The following GUCY1B1 variants were observed in gnomAD, a reference collection of about 807,000 sequenced individuals.
The protein encoded by GUCY1B1 is guanylate cyclase 1 soluble subunit beta 1, also known as guanylate cyclase soluble subunit beta-1.
In GUCY1B1, 43 loss-of-function variants were observed where a neutral mutation model predicts 71.0. That is an observed-to-expected ratio of 0.61 (90% confidence interval 0.47 to 0.78). The LOEUF is 0.78. GUCY1B1 is among the 30% of genes least tolerant of loss of function. The pLI, the probability that GUCY1B1 is intolerant of heterozygous loss-of-function variation, is 0.00. For missense variants in GUCY1B1, 535 were observed against 754.1 expected (o/e 0.71, Z 3.40); for synonymous variants, 266 against 259.7 (o/e 1.02, Z -0.23).
chr4:155,792,789 C>A (rs1261326229), intron 5 of GUCY1B1, among the ~76,000 whole-genome samples: 2 of 152,136 alleles, frequency 1.3e-5, no homozygotes, highest in African/African-American at 4.8e-5. Flanking sequence ...CTTGCAATTT[C>A]TTAACCCAAA....
chr4:155,786,951 G>A (rs1295424923), intron 4 of GUCY1B1, among the ~76,000 whole-genome samples: 4 of 152,090 alleles, frequency 2.6e-5, no homozygotes, highest in African/African-American at 9.7e-5. Context: ...ACCTGGGCCT[G>A]ACTCTATTAG....
At chr4:155,764,320 T>A (rs1737190682) in intron 2 of GUCY1B1, among the ~76,000 whole-genome samples, 1 of 152,204 alleles carries the variant, frequency 6.6e-6, no homozygotes, top group South Asian at 2.1e-4. Flanking sequence ...ATAATTTTGG[T>A]TGACTGCTAC....
At chr4:155,774,846 G>A in intron 2 of GUCY1B1, 122 bp from the exon 3 acceptor site, 1 of 652,664 alleles carries the variant, frequency 1.5e-6, no homozygotes, top group Non-Finnish European at 2.7e-6. Flanking sequence ...AAACAAATTT[G>A]CCCAAAAAAA....
intron 2 of GUCY1B1, among the ~76,000 whole-genome samples, chr4:155,764,209 G>A (rs1229907591): frequency 1.3e-5 from 2 of 152,150 alleles, no homozygotes; most frequent in Non-Finnish European, 2.9e-5. Context: ...ATACCTTTCT[G>A]TAGATCTGCT....
intron 11 of GUCY1B1, 40 bp from the exon 12 acceptor site, chr4:155,804,549 TGTTA>T: frequency 6.6e-7 from 1 of 1,504,630 alleles, no homozygotes; most frequent in Non-Finnish European, 9.1e-7. Context: ...AAAATTCATG[TGTTA>T]GTGATCAAAA....
intron 2 of GUCY1B1, among the ~76,000 whole-genome samples, chr4:155,766,088 T>G (rs768660032): frequency 4.1e-4 from 62 of 152,310 alleles, no homozygotes; most frequent in African/African-American, 9.9e-4. Flanking sequence ...CAATAAAATA[T>G]CAGGCTCTCT....
chr4:155,783,820 C>G (rs1412348527), intron 4 of GUCY1B1, among the ~76,000 whole-genome samples: 2 of 152,182 alleles, frequency 1.3e-5, no homozygotes, highest in Non-Finnish European at 2.9e-5. Flanking sequence ...GCACCATTCA[C>G]TTTATTTTTA....
At chr4:155,761,768 C>T (rs1291237229) in intron 2 of GUCY1B1, among the ~76,000 whole-genome samples, 1 of 152,182 alleles carries the variant, frequency 6.6e-6, no homozygotes, top group Admixed American at 6.5e-5. Context: ...ACTAATTTAT[C>T]TTTAAGTAGC....
At chr4:155,762,499 T>A (rs1363057704) in intron 2 of GUCY1B1, among the ~76,000 whole-genome samples, 1 of 152,160 alleles carries the variant, frequency 6.6e-6, no homozygotes, top group Non-Finnish European at 1.5e-5. Flanking sequence ...AAACATTTAA[T>A]GACAAATAAA....
chr4:155,764,762 C>A (rs1050470892), intron 2 of GUCY1B1, among the ~76,000 whole-genome samples: 27 of 152,140 alleles, frequency 1.8e-4, no homozygotes, highest in Non-Finnish European at 3.4e-4. Context: ...TTGAAGTTAT[C>A]TTTTGCAGCT....
At chr4:155,764,429 T>C (rs1183215079) in intron 2 of GUCY1B1, among the ~76,000 whole-genome samples, 1 of 152,234 alleles carries the variant, frequency 6.6e-6, no homozygotes. Context: ...TTACTTACTG[T>C]CCCAGAGAAT....
chr4:155,804,773 C>T, intron 12 of GUCY1B1, 26 bp downstream of exon 12: 3 of 1,589,070 alleles, frequency 1.9e-6, no homozygotes, highest in Non-Finnish European at 2.6e-6. Context: ...TTGGTATTTA[C>T]TGATTTGCAA....
At chr4:155,764,883 G>A (rs559547079) in intron 2 of GUCY1B1, among the ~76,000 whole-genome samples, 2 of 152,304 alleles carry the variant, frequency 1.3e-5, no homozygotes, top group South Asian at 4.1e-4. Flanking sequence ...AGGCACCTAG[G>A]TGATAAGGCG....
chr4:155,793,340 G>A (rs935292763), intron 5 of GUCY1B1, among the ~76,000 whole-genome samples: 4 of 152,112 alleles, frequency 2.6e-5, no homozygotes, highest in Non-Finnish European at 5.9e-5. Flanking sequence ...CCCTCCCAAA[G>A]TGCTAGGATT....
chr4:155,792,630 G>A (rs1739257216), intron 5 of GUCY1B1, among the ~76,000 whole-genome samples: 2 of 150,682 alleles, frequency 1.3e-5, no homozygotes, highest in South Asian at 4.2e-4. Flanking sequence ...AATGCGACAG[G>A]GTACTCCTGA....
At chr4:155,796,308 T>C in intron 7 of GUCY1B1, 69 bp from the exon 8 acceptor site, 1 of 1,388,148 alleles carries the variant, frequency 7.2e-7, no homozygotes, top group Non-Finnish European at 1.0e-6. Flanking sequence ...GAGATATGCG[T>C]GTCCTTGTTG....
chr4:155,795,832 C>T (rs1739515308), intron 7 of GUCY1B1, among the ~76,000 whole-genome samples: 1 of 151,598 alleles, frequency 6.6e-6, no homozygotes, highest in African/African-American at 2.4e-5. Context: ...CTTAAATTGT[C>T]TATTGTTCTT....
In GUCY1B1 at chr4:155,795,677, A is replaced by G. The variant is rs189042169; in HGVS notation, c.843+220A>G. 2.6e-5 allele frequency among the ~76,000 whole-genome samples: 4 copies of G among 152,270 alleles called. No individual in the cohort carries two copies. The East Asian group carries it at 7.7e-4, about 29-fold the overall frequency. ...AAATTAACAGAGGTAAATTTTAGAG[A>G]CTGTCTTTCTGAGACGGCCTTGTTT... On this transcript the variant is annotated intron_variant, in intron 7 of 13. Transcript: ENST00000264424.
At chr4:155,769,032 C>G (rs1298497857) in intron 2 of GUCY1B1, among the ~76,000 whole-genome samples, 4 of 152,154 alleles carry the variant, frequency 2.6e-5, no homozygotes, top group Non-Finnish European at 2.9e-5. Flanking sequence ...CTTCCACTTG[C>G]CATTTCCTCT....
Sources: allele counts gnomAD v4.1 joint callset (sites outside exome capture counted in the v4.1 genomes callset), GRCh38; gene constraint gnomAD v4.1.1; transcripts MANE v1.5; gene names NCBI Gene and HGNC (gene_info 2026-07-23, HGNC 2026-07-21).